Variants in RBFOX1 observed in about 807,000 individuals in gnomAD.
The protein encoded by RBFOX1 is RNA binding fox-1 homolog 1.
In RBFOX1, 8 loss-of-function variants were observed where a neutral mutation model predicts 57.7. The observed-to-expected ratio is 0.14, with a 90% CI of 0.08 to 0.25. The LOEUF is 0.25. RBFOX1 is among the 10% of genes least tolerant of loss of function. RBFOX1 has a pLI of 1.00. For synonymous variants in RBFOX1, 326 were observed against 222.4 expected (o/e 1.47, Z -4.15); for missense variants, 611 against 548.5 (o/e 1.11, Z -1.14).
intron 3 of RBFOX1, among the ~76,000 whole-genome samples, chr16:5,817,381 A>G (rs2055681502): frequency 6.6e-6 from 1 of 152,182 alleles, no homozygotes; most frequent in Non-Finnish European, 1.5e-5. Context: ...CTGATATCCC[A>G]TTCGTGGTTG....
rs59807806 is a variant in RBFOX1 at position 6,842,423 on chromosome 16, T to G, written c.-16+187773T>G. ...AACTACTTGGAGATTATTCACTGTTTGGGCAACTTTGCTGACCTTGCTCTA... is the reference window on the plus strand; with the variant it reads ...AACTACTTGGAGATTATTCACTGTTGGGGCAACTTTGCTGACCTTGCTCTA... On this transcript the variant is annotated intron_variant, in intron 3 of 15. Coordinates refer to ENST00000550418, the MANE Select transcript of RBFOX1 (RefSeq NM_018723.4). 3.1e-3 allele frequency among the ~76,000 whole-genome samples: 479 copies of G among 152,210 alleles called. 3 individuals are homozygous for G. The highest frequency in any genetic ancestry group is 0.011 in the African/African-American group (448 of 41,566).
intron 1 of RBFOX1, among the ~76,000 whole-genome samples, chr16:6,154,998 A>G (rs549209403): frequency 1.2e-3 from 188 of 152,318 alleles, no homozygotes; most frequent in Middle Eastern, 3.4e-3. Context: ...CAATGCTTCC[A>G]TTGTTGAAAA....
intron 3 of RBFOX1, among the ~76,000 whole-genome samples, chr16:6,963,148 C>G (rs1009774735): frequency 1.1e-4 from 17 of 152,116 alleles, no homozygotes; most frequent in African/African-American, 4.1e-4. Flanking sequence ...GGGGTTCTGG[C>G]TGGTAGTTGC....
intron 4 of RBFOX1, among the ~76,000 whole-genome samples, chr16:5,984,946 T>TTTTATATATATATATATATATATATA (rs1450037668): frequency 2.9e-5 from 2 of 69,658 alleles, no homozygotes; most frequent in Admixed American, 2.0e-4. Flanking sequence ...GGCAACTCCA[T>TTTTATATATATATATATATATATATA]TATATATATA....
intron 2 of RBFOX1, among the ~76,000 whole-genome samples, chr16:6,544,851 T>C (rs1169009216): frequency 1.3e-5 from 2 of 152,240 alleles, no homozygotes; most frequent in Non-Finnish European, 2.9e-5. Flanking sequence ...ATGATGGGGC[T>C]TGATCCAAGT....
At chr16:7,328,461 G>C (rs2096641263) in intron 4 of RBFOX1, among the ~76,000 whole-genome samples, 1 of 127,118 alleles carries the variant, frequency 7.9e-6, no homozygotes, top group South Asian at 2.7e-4. Flanking sequence ...GCCTGGGACA[G>C]AGCGAGACTC....
intron 2 of RBFOX1, among the ~76,000 whole-genome samples, chr16:5,579,148 A>C (rs188637835): frequency 5.3e-5 from 8 of 152,168 alleles, no homozygotes; most frequent in Middle Eastern, 3.4e-3. Context: ...ACGCCTGGCC[A>C]CACCCCTAAT....
At chr16:6,336,297 C>T (rs1298374094) in intron 2 of RBFOX1, among the ~76,000 whole-genome samples, 1 of 145,280 alleles carries the variant, frequency 6.9e-6, no homozygotes, top group Admixed American at 7.0e-5. Flanking sequence ...CTCCCAGGTT[C>T]ACGCCATTCT....
intron 3 of RBFOX1, among the ~76,000 whole-genome samples, chr16:6,740,309 A>G (rs570256583): frequency 2.0e-4 from 31 of 152,362 alleles, no homozygotes; most frequent in African/African-American, 7.2e-4. Flanking sequence ...AATATTGTGT[A>G]TAATGGTACA....
At chr16:7,401,236 AAG>A (rs1315283699) in intron 4 of RBFOX1, among the ~76,000 whole-genome samples, 2 of 152,234 alleles carry the variant, frequency 1.3e-5, no homozygotes, top group Non-Finnish European at 2.9e-5. Flanking sequence ...CTCTCTGTGA[AAG>A]AAGTCAAACT....
At chr16:6,862,717 G>A (rs1226837629) in intron 3 of RBFOX1, among the ~76,000 whole-genome samples, 1 of 152,196 alleles carries the variant, frequency 6.6e-6, no homozygotes, top group Non-Finnish European at 1.5e-5. Context: ...ATTGTCTGTG[G>A]CTCACACCTG....
chr16:7,410,274 T>A (rs1393700415), intron 4 of RBFOX1, among the ~76,000 whole-genome samples: 3 of 152,220 alleles, frequency 2.0e-5, no homozygotes, highest in Non-Finnish European at 4.4e-5. Flanking sequence ...ACAGCCACTG[T>A]CTATTACAGA....
intron 1 of RBFOX1, among the ~76,000 whole-genome samples, chr16:5,445,549 C>G (rs2068215999): frequency 6.6e-6 from 1 of 152,198 alleles, no homozygotes; most frequent in African/African-American, 2.4e-5. Context: ...TAGCATTGGA[C>G]ACCCATTTCC....
At chr16:6,176,907 T>C (rs2097015370) in intron 1 of RBFOX1, among the ~76,000 whole-genome samples, 1 of 152,210 alleles carries the variant, frequency 6.6e-6, no homozygotes, top group African/African-American at 2.4e-5. Context: ...GGTCAAAAAC[T>C]GTTTTTGTTT....
chr16:6,963,433 G>T (rs561413924), intron 3 of RBFOX1, among the ~76,000 whole-genome samples: 3 of 152,278 alleles, frequency 2.0e-5, no homozygotes, highest in African/African-American at 7.2e-5. Flanking sequence ...CTACCAAATG[G>T]TTGGTGACAA....
intron 2 of RBFOX1, among the ~76,000 whole-genome samples, chr16:6,598,529 C>T (rs777230724): frequency 1.6e-4 from 24 of 152,214 alleles, no homozygotes; most frequent in Non-Finnish European, 3.1e-4. Context: ...ATGATTATTC[C>T]AATATTAAGC....
At chr16:5,608,852 G>A (rs566844694) in intron 3 of RBFOX1, among the ~76,000 whole-genome samples, 13 of 152,268 alleles carry the variant, frequency 8.5e-5, no homozygotes, top group African/African-American at 2.6e-4. Context: ...GGTGCAGTCC[G>A]AGTGGTCCCT....
At chr16:5,323,695 A>C (rs865802306) in intron 1 of RBFOX1, among the ~76,000 whole-genome samples, 2 of 152,250 alleles carry the variant, frequency 1.3e-5, no homozygotes, top group East Asian at 3.8e-4. Flanking sequence ...CCGGGCTTCA[A>C]AAGCCAGCTG....
chr16:5,855,848 G>A (rs1006527315), intron 3 of RBFOX1, among the ~76,000 whole-genome samples: 28 of 151,752 alleles, frequency 1.8e-4, no homozygotes, highest in Non-Finnish European at 2.8e-4. Context: ...AATCCTATCC[G>A]TGAATATCGG....
Sources: allele counts gnomAD v4.1 joint callset (sites outside exome capture counted in the v4.1 genomes callset), GRCh38; gene constraint gnomAD v4.1.1; transcripts MANE v1.5; gene names NCBI Gene and HGNC (gene_info 2026-07-23, HGNC 2026-07-21).